Variants in DGKG observed in about 807,000 individuals in gnomAD.
DGKG encodes the protein diacylglycerol kinase gamma, also known as DAG kinase gamma.
Under a neutral mutation model 105.3 loss-of-function variants are expected in DGKG, and 78 were observed. That is an observed-to-expected ratio of 0.74 (90% CI 0.62 to 0.89). The LOEUF is 0.89. Ranked by LOEUF, DGKG falls within the 40% of genes least tolerant of loss-of-function variation. DGKG has a pLI of 0.00. For missense variants in DGKG, 958 were observed against 1,020.1 expected (o/e 0.94, Z 0.83); for synonymous variants, 346 against 367.1 (o/e 0.94, Z 0.66).
intron 22 of DGKG, among the ~76,000 whole-genome samples, chr3:186,182,697 T>C (rs1037005427): frequency 5.3e-5 from 8 of 152,174 alleles, no homozygotes; most frequent in Non-Finnish European, 1.2e-4. Flanking sequence ...CATGTAACTC[T>C]AAGATTTTTT....
intron 9 of DGKG, among the ~76,000 whole-genome samples, chr3:186,278,568 G>A (rs556360804): frequency 6.6e-6 from 1 of 152,244 alleles, no homozygotes. Context: ...TTTCCAGCTT[G>A]ACTTTCTAGG....
At chr3:186,324,141 C>T (rs529387454) in intron 1 of DGKG, among the ~76,000 whole-genome samples, 2 of 151,112 alleles carry the variant, frequency 1.3e-5, no homozygotes, top group South Asian at 2.1e-4. Flanking sequence ...CCTCCATGGC[C>T]TGGGCATTCT....
intron 1 of DGKG, among the ~76,000 whole-genome samples, chr3:186,352,671 A>G (rs1726690192): frequency 6.6e-6 from 1 of 152,040 alleles, no homozygotes. Flanking sequence ...TGCCTCCCTC[A>G]GCCCCCTCAC....
chr3:186,360,631 G>C (rs1727182679), intron 1 of DGKG, among the ~76,000 whole-genome samples: 1 of 152,156 alleles, frequency 6.6e-6, no homozygotes, highest in Admixed American at 6.5e-5. Context: ...ACCAAACCTC[G>C]ACATTTGCCC....
chr3:186,156,251 A>T (rs972311305), intron 24 of DGKG, among the ~76,000 whole-genome samples: 6 of 152,164 alleles, frequency 3.9e-5, no homozygotes, highest in Admixed American at 1.3e-4. Flanking sequence ...CTGTAATTGA[A>T]CTGGGGGGCT....
intron 2 of DGKG, among the ~76,000 whole-genome samples, chr3:186,317,134 C>T (rs545768898): frequency 1.3e-5 from 2 of 152,376 alleles, no homozygotes; most frequent in South Asian, 4.1e-4. Context: ...CATCCCTCCG[C>T]CTGCTCAGCG....
intron 1 of DGKG, among the ~76,000 whole-genome samples, chr3:186,351,182 CTT>C (rs1726613833): frequency 1.3e-5 from 2 of 152,246 alleles, no homozygotes; most frequent in South Asian, 4.1e-4. Context: ...TGTGAACACT[CTT>C]TATTATGGAA....
At chr3:186,327,350 T>TCTCCTCCTC (rs529028348) in intron 1 of DGKG, among the ~76,000 whole-genome samples, 24 of 150,164 alleles carry the variant, frequency 1.6e-4, no homozygotes, top group African/African-American at 5.6e-4. Context: ...TCCTCCTCCT[T>TCTCCTCCTC]CTCCTCCTCC....
chr3:186,195,282 CA>C (rs199878057), intron 21 of DGKG, among the ~76,000 whole-genome samples: 69 of 117,372 alleles, frequency 5.9e-4, no homozygotes, highest in African/African-American at 1.6e-3. Context: ...TATAGCAAAA[CA>C]AAAAAAAACA....
At chr3:186,287,562 T>C (rs1224322976) in intron 6 of DGKG, among the ~76,000 whole-genome samples, 1 of 152,242 alleles carries the variant, frequency 6.6e-6, no homozygotes, top group African/African-American at 2.4e-5. Context: ...TATAAAAAAA[T>C]CTGTCACCTT....
chr3:186,151,067 T>C (rs1419457130), intron 24 of DGKG, among the ~76,000 whole-genome samples: 1 of 152,218 alleles, frequency 6.6e-6, no homozygotes, highest in Non-Finnish European at 1.5e-5. Flanking sequence ...CACTTCCACT[T>C]CTTTGCTGTG....
At chr3:186,178,562 G>C (rs897930771) in intron 22 of DGKG, among the ~76,000 whole-genome samples, 2 of 152,198 alleles carry the variant, frequency 1.3e-5, no homozygotes, top group Admixed American at 6.5e-5. Context: ...TTCAACTCCA[G>C]CTCAAACCTG....
intron 17 of DGKG, chr3:186,257,648 C>T (rs972404391): frequency 9.1e-5 from 46 of 504,462 alleles, no homozygotes; most frequent in Non-Finnish European, 1.6e-4. Flanking sequence ...CTGTTACCTC[C>T]GTATTGGAGG....
intron 9 of DGKG, 98 bp downstream of exon 9, chr3:186,279,753 C>T (rs1430130392): frequency 7.0e-6 from 10 of 1,434,902 alleles, no homozygotes; most frequent in African/African-American, 1.4e-5. Context: ...GTCTGTTGGG[C>T]AGTCTGGAGC....
rs142522791 is a variant in DGKG, at chr3:186,358,506, T to TTGTGTGTGTGTGTGTGTGTGTGTGTG, written c.-249+3439_-249+3440insCACACACACACACACACACACACACA. The stretch of plus-strand genomic sequence containing the variant: ...GGCCAGTTTGTTTTCTTCTAACCCT[T>TTGTGTGTGTGTGTGTGTGTGTGTGTG]TGTGTGTGTGTGTGTGTGTTTTGTA... On this transcript the variant is annotated intron_variant, in intron 1 of 24. Coordinates refer to ENST00000265022, the MANE Select transcript of DGKG (RefSeq NM_001346.3). 2.7e-3 allele frequency among the ~76,000 whole-genome samples: 411 copies of TTGTGTGTGTGTGTGTGTGTGTGTGTG among 150,038 alleles called. 1 individual carries two copies. The highest frequency in any genetic ancestry group is 6.1e-3 in the African/African-American group (249 of 40,792).
chr3:186,296,630 G>A (rs1723576595), intron 5 of DGKG, among the ~76,000 whole-genome samples: 1 of 152,228 alleles, frequency 6.6e-6, no homozygotes, highest in African/African-American at 2.4e-5. Flanking sequence ...TGAGAGTGCA[G>A]CCTTGCTCAT....
intron 4 of DGKG, 118 bp downstream of exon 4, chr3:186,297,946 G>T: frequency 8.2e-7 from 1 of 1,218,796 alleles, no homozygotes; most frequent in Non-Finnish European, 1.1e-6. Flanking sequence ...CTTGGTTCAT[G>T]TTCGCACCGT....
chr3:186,225,379 A>C (rs528427912), intron 20 of DGKG, among the ~76,000 whole-genome samples: 2 of 152,088 alleles, frequency 1.3e-5, no homozygotes, highest in South Asian at 2.1e-4. Context: ...TTATAGCACC[A>C]ATAATTTGTG....
At chr3:186,294,847 A>T (rs1223755327) in intron 5 of DGKG, among the ~76,000 whole-genome samples, 1 of 152,148 alleles carries the variant, frequency 6.6e-6, no homozygotes, top group Admixed American at 6.5e-5. Flanking sequence ...TGGGCAGGGC[A>T]TGGACGAGCC....
Sources: gnomAD v4.1 joint callset for allele counts (sites outside exome capture counted in the v4.1 genomes callset) on GRCh38, gnomAD v4.1.1 for gene constraint, MANE v1.5 for transcripts, NCBI Gene and HGNC (gene_info 2026-07-23, HGNC 2026-07-21) for gene names.